NSMAF: variants seen among roughly 807,000 people sequenced by gnomAD.
The protein encoded by NSMAF is neutral sphingomyelinase activation associated factor.
Under a neutral mutation model 134.9 loss-of-function variants are expected in NSMAF, and 90 were observed. The observed-to-expected ratio is 0.67, with a 90% CI of 0.56 to 0.79. NSMAF has a LOEUF of 0.79. Among genes scored for constraint, NSMAF ranks in the 30% least tolerant of loss-of-function variants. NSMAF has a pLI of 0.00. For missense variants in NSMAF, 1,010 were observed against 1,119.0 expected, an observed-to-expected ratio of 0.90 and a Z score of 1.39; for synonymous variants, 358 against 389.6, an observed-to-expected ratio of 0.92 and a Z score of 0.96.
intron 9 of NSMAF, among the ~76,000 whole-genome samples, chr8:58,618,577 A>G (rs1286965076): frequency 6.6e-6 from 1 of 152,014 alleles, no homozygotes; most frequent in Non-Finnish European, 1.5e-5. Flanking sequence ...ACATATATAT[A>G]TAATACAAAC....
intron 1 of NSMAF, among the ~76,000 whole-genome samples, chr8:58,655,553 T>C (rs1162348271): frequency 6.6e-6 from 1 of 152,092 alleles, no homozygotes; most frequent in African/African-American, 2.4e-5. Flanking sequence ...ATGTCTTAAA[T>C]AGAAAGTCTG....
chr8:58,615,164 A>G (rs1806630189), intron 9 of NSMAF, among the ~76,000 whole-genome samples: 1 of 152,216 alleles, frequency 6.6e-6, no homozygotes, highest in Non-Finnish European at 1.5e-5. Flanking sequence ...CTTAATGTAT[A>G]TGAATCTAAT....
chr8:58,613,926 G>A lies in NSMAF; in HGVS notation c.558-4193C>T, dbSNP rs1461422518. On this transcript the variant is annotated intron_variant, in intron 9 of 30. Coordinates refer to ENST00000038176, the MANE Select transcript of NSMAF (RefSeq NM_003580.4). ...ACTCAAAAATTTTTGAGTGCATTTC[G>A]GACTTTTGGAGCATTTCGGACTTAA... Among the ~76,000 whole-genome samples the A allele has an allele frequency of 1.2e-4, 18 of 152,038 alleles. 1 individual carries two copies. Among genetic ancestry groups the A allele is most frequent in the Admixed American group, 1.0e-3 (16 of 15,268 alleles).
intron 1 of NSMAF, among the ~76,000 whole-genome samples, chr8:58,656,710 G>A (rs936359936): frequency 6.6e-6 from 1 of 151,942 alleles, no homozygotes; most frequent in Non-Finnish European, 1.5e-5. Context: ...GGCGCCTGTA[G>A]TCCCAGCTAC....
At chr8:58,656,691 G>A (rs1433296853) in intron 1 of NSMAF, among the ~76,000 whole-genome samples, 1 of 151,954 alleles carries the variant, frequency 6.6e-6, no homozygotes, top group African/African-American at 2.4e-5. Context: ...TTAGCCGGGC[G>A]TGGTGACAGG....
intron 16 of NSMAF, 110 bp downstream of exon 16, chr8:58,601,175 T>C: frequency 1.1e-6 from 1 of 923,700 alleles, no homozygotes. Context: ...CAATTAGTGA[T>C]TTTTTACATT....
chr8:58,657,004 T>C (rs1807730488), intron 1 of NSMAF, among the ~76,000 whole-genome samples: 5 of 152,176 alleles, frequency 3.3e-5, no homozygotes, highest in Admixed American at 3.3e-4. Flanking sequence ...CGAACTTAAC[T>C]GGGTGTGCTG....
Position 58,635,164 on chromosome 8 carries a change from G to GA in NSMAF, c.333+24dup, listed in dbSNP as rs766457530. 8 of 1,582,932 alleles carry GA rather than the reference G, an allele frequency of 5.1e-6. No homozygotes were observed. In the African/African-American group the frequency reaches 9.5e-5, roughly 19 times the overall value. The stretch of plus-strand genomic sequence containing the variant: ...ATATAAGAATGTTCATTCAGATTAG[G>GA]AAAAAATATTTATTATGTGCTTACC... On this transcript the variant is annotated intron_variant, in intron 5 of 30. Coordinates refer to ENST00000038176, the MANE Select transcript of NSMAF (RefSeq NM_003580.4).
intron 6 of NSMAF, among the ~76,000 whole-genome samples, chr8:58,629,124 G>C (rs1401738040): frequency 6.6e-6 from 1 of 152,006 alleles, no homozygotes; most frequent in Non-Finnish European, 1.5e-5. Context: ...TACACTTTCT[G>C]TTTCTTTCTC....
intron 9 of NSMAF, among the ~76,000 whole-genome samples, chr8:58,621,163 A>G (rs149346079): frequency 3.9e-5 from 6 of 152,190 alleles, no homozygotes; most frequent in African/African-American, 1.2e-4. Context: ...TTTGTACTCA[A>G]TGTTCAGTTC....
Position 58,623,724 on chromosome 8 carries a change from CACA to C in NSMAF, c.438_440del (p.Val147del), listed in dbSNP as rs1368384348. 6 of 1,614,054 alleles carry C rather than the reference CACA, an allele frequency of 3.7e-6. No homozygotes were observed. The highest frequency in any genetic ancestry group is 5.1e-6 in the Non-Finnish European group (6 of 1,179,942). ...AAGTGCTTACCTGAAGCAACGTCTCCACAACATCTTCCACTTTCCCGGGAACAT... is the reference window on the plus strand; with the variant it reads ...AAGTGCTTACCTGAAGCAACGTCTCCACATCTTCCACTTTCCCGGGAACAT... On this transcript the variant is annotated inframe_deletion, in exon 7 of 31. Transcript: ENST00000038176.
At chr8:58,655,778 C>T (rs1473299089) in intron 1 of NSMAF, among the ~76,000 whole-genome samples, 1 of 151,650 alleles carries the variant, frequency 6.6e-6, no homozygotes, top group African/African-American at 2.4e-5. Flanking sequence ...GCTGTGGTGG[C>T]CGCCTGTAGT....
chr8:58,586,633 A>T (rs753529419), intron 27 of NSMAF, 25 bp from the exon 28 acceptor site: 15 of 1,577,220 alleles, frequency 9.5e-6, no homozygotes, highest in Non-Finnish European at 1.3e-5. Context: ...ACATTGATAC[A>T]TATTCCATTA....
intron 9 of NSMAF, among the ~76,000 whole-genome samples, chr8:58,613,529 C>T (rs1020686026): frequency 3.3e-5 from 5 of 149,440 alleles, no homozygotes; most frequent in African/African-American, 9.9e-5. Flanking sequence ...CGAGAATTAC[C>T]GAAAAGAAGG....
In NSMAF at chr8:58,655,855, T is replaced by C. The variant is rs190516446; in HGVS notation, c.59+3718A>G. On this transcript the variant is annotated intron_variant, in intron 1 of 30. Transcript: ENST00000038176. The stretch of plus-strand genomic sequence containing the variant: ...CCGGGAGGCGGAACTTGCAGTGGGC[T>C]GAGATCGTGCCACTGCACTCCAGCC... Among the ~76,000 whole-genome samples the C allele has an allele frequency of 8.7e-3, 1,317 of 151,576 alleles. 23 individuals are homozygous for C. Among genetic ancestry groups the C allele is most frequent in the African/African-American group, 0.03 (1,239 of 41,330 alleles).
intron 5 of NSMAF, 61 bp from the exon 6 acceptor site, chr8:58,631,607 A>T: frequency 1.1e-6 from 1 of 889,464 alleles, no homozygotes; most frequent in Non-Finnish European, 1.7e-6. Context: ...GTAAAGAGTA[A>T]CTACAAATCA....
chr8:58,598,295 G>A (rs552040083), intron 19 of NSMAF, among the ~76,000 whole-genome samples: 17 of 152,064 alleles, frequency 1.1e-4, no homozygotes, highest in Non-Finnish European at 2.2e-4. Context: ...GAGAAACGTG[G>A]AAGAAGATAA....
At chr8:58,624,167 G>C (rs754557057) in intron 6 of NSMAF, among the ~76,000 whole-genome samples, 3 of 148,484 alleles carry the variant, frequency 2.0e-5, no homozygotes, top group Middle Eastern at 3.3e-3. Context: ...TCAGCCTCCC[G>C]AGTAGCTGGG....
chr8:58,613,580 C>T (rs926261994), intron 9 of NSMAF, among the ~76,000 whole-genome samples: 1 of 151,622 alleles, frequency 6.6e-6, no homozygotes, highest in African/African-American at 2.4e-5. Context: ...AAATGAGACA[C>T]CAAGAAATAA....
Sources: gnomAD v4.1 joint callset for allele counts (sites outside exome capture counted in the v4.1 genomes callset) on GRCh38, gnomAD v4.1.1 for gene constraint, MANE v1.5 for transcripts, NCBI Gene and HGNC (gene_info 2026-07-23, HGNC 2026-07-21) for gene names.